KALRN: variants seen among roughly 807,000 people sequenced by gnomAD.
The protein encoded by KALRN is kalirin.
Under a neutral mutation model 353.7 loss-of-function variants are expected in KALRN, and 70 were observed. That is an observed-to-expected ratio of 0.20 (90% CI 0.16 to 0.24). The LOEUF is 0.24. KALRN is among the 10% of genes least tolerant of loss of function. KALRN has a pLI of 1.00. For missense variants in KALRN, 2,791 were observed against 3,756.7 expected, an observed-to-expected ratio of 0.74 and a Z score of 6.72; for synonymous variants, 1,391 against 1,434.8, an observed-to-expected ratio of 0.97 and a Z score of 0.69.
At chr3:124,582,915 A>G (rs909717488) in intron 34 of KALRN, among the ~76,000 whole-genome samples, 1 of 152,106 alleles carries the variant, frequency 6.6e-6, no homozygotes, top group Admixed American at 6.6e-5. Context: ...GACCACAGGT[A>G]TGGTCCACCA....
intron 1 of KALRN, chr3:124,094,814 T>C: frequency 6.2e-7 from 1 of 1,610,248 alleles, no homozygotes; most frequent in Non-Finnish European, 8.5e-7. Context: ...GGGGACTGGC[T>C]GTGAAGGATG....
intron 1 of KALRN, among the ~76,000 whole-genome samples, chr3:124,148,585 T>C (rs1420985042): frequency 6.6e-6 from 1 of 152,196 alleles, no homozygotes; most frequent in African/African-American, 2.4e-5. Context: ...GAGAATATTG[T>C]GGGTGCTAGA....
intron 1 of KALRN, among the ~76,000 whole-genome samples, chr3:124,040,621 G>T (rs1384054942): frequency 6.6e-6 from 1 of 152,226 alleles, no homozygotes; most frequent in African/African-American, 2.4e-5. Flanking sequence ...GGATGGAATA[G>T]GTTCAGCACT....
At position 124,572,420 on chromosome 3, in the gene KALRN, G is replaced by GT. The variant is rs369682323; in HGVS notation, c.5182+9339dup. Among the ~76,000 whole-genome samples the GT allele has an allele frequency of 4.9e-4, 74 of 151,824 alleles. 1 individual carries two copies. The highest frequency in any genetic ancestry group is 4.2e-4 in the South Asian group (2 of 4,806). ...CCAACCTAATGTATTGTAATCTACT[G>GT]TTTTTTTTCCTTAAAAGGGTACTGG... is the stretch of plus-strand genomic sequence containing the variant. On this transcript the variant is annotated intron_variant, in intron 34 of 59. Transcript: ENST00000682506.
chr3:124,595,165 T>C (rs1400452307), intron 34 of KALRN, among the ~76,000 whole-genome samples: 1 of 150,848 alleles, frequency 6.6e-6, no homozygotes, highest in Non-Finnish European at 1.5e-5. Context: ...ACATACATTC[T>C]TTTGGTCTTT....
At chr3:124,543,740 A>G (rs2069321412) in intron 33 of KALRN, among the ~76,000 whole-genome samples, 1 of 152,030 alleles carries the variant, frequency 6.6e-6, no homozygotes, top group South Asian at 2.1e-4. Context: ...TAATTAGTAG[A>G]AGAGAAATTA....
chr3:124,382,928 G>C (rs991804638), intron 10 of KALRN, among the ~76,000 whole-genome samples: 1 of 152,228 alleles, frequency 6.6e-6, no homozygotes. Context: ...TCCTTCATCT[G>C]CTTTCCAGAA....
intron 38 of KALRN, among the ~76,000 whole-genome samples, chr3:124,651,326 C>A (rs2083395645): frequency 6.6e-6 from 1 of 152,208 alleles, no homozygotes; most frequent in South Asian, 2.1e-4. Context: ...GAAAACATTT[C>A]CCCAAATGTA....
intron 33 of KALRN, among the ~76,000 whole-genome samples, chr3:124,527,319 A>G (rs950590976): frequency 1.4e-4 from 22 of 152,274 alleles, no homozygotes; most frequent in Admixed American, 1.4e-3. Flanking sequence ...CACAAAAAGC[A>G]TGAAGATTGG....
chr3:124,330,246 TCACACACACA>T (rs774251256), intron 8 of KALRN, among the ~76,000 whole-genome samples: 6,189 of 134,376 alleles, frequency 0.046, 423 homozygotes, highest in African/African-American at 0.16. Context: ...TCTCTCTCTC[TCACACACACA>T]CACACACACA....
intron 5 of KALRN, among the ~76,000 whole-genome samples, chr3:124,286,367 C>G (rs1474094819): frequency 6.6e-6 from 1 of 151,654 alleles, no homozygotes; most frequent in African/African-American, 2.4e-5. Context: ...ACCTCAGCCT[C>G]CCGAGTAGCT....
intron 34 of KALRN, among the ~76,000 whole-genome samples, chr3:124,587,046 T>C (rs1238152030): frequency 1.3e-5 from 2 of 152,322 alleles, no homozygotes; most frequent in Non-Finnish European, 2.9e-5. Context: ...GTCCGTGGAC[T>C]CTTTGGGAAG....
chr3:124,224,710 T>A (rs2078291143), intron 1 of KALRN, among the ~76,000 whole-genome samples: 1 of 152,218 alleles, frequency 6.6e-6, no homozygotes, highest in African/African-American at 2.4e-5. Context: ...AGGAAGCCAG[T>A]GAAATGTTTT....
At chr3:124,429,912 T>A (rs1256852181) in intron 15 of KALRN, among the ~76,000 whole-genome samples, 1 of 152,244 alleles carries the variant, frequency 6.6e-6, no homozygotes, top group Non-Finnish European at 1.5e-5. Context: ...GTTTACCTAC[T>A]GAAGTTCAAA....
At chr3:124,121,276 G>C (rs1033509464) in intron 1 of KALRN, among the ~76,000 whole-genome samples, 2 of 152,062 alleles carry the variant, frequency 1.3e-5, no homozygotes, top group African/African-American at 2.4e-5. Flanking sequence ...GGTTTTGATT[G>C]TTTATATTTT....
rs374030680 is a variant in KALRN, at chr3:124,632,395, G to A, written c.5183-25G>A. On this transcript the variant is annotated intron_variant, in intron 34 of 59. Coordinates refer to ENST00000682506, the MANE Select transcript of KALRN (RefSeq NM_001388419.1). The stretch of plus-strand genomic sequence containing the variant: ...GGCCTGCCTTCACCACCTCTGACAT[G>A]GCTGTGTCTGTCCGTTTTCCTCAGA... The A allele has an allele frequency of 1.9e-6, 3 of 1,610,896 alleles. No homozygotes were observed. The African/African-American group carries it at 4.0e-5, about 22-fold the overall frequency.
At chr3:124,072,370 C>A (rs1256368360) in intron 1 of KALRN, among the ~76,000 whole-genome samples, 2 of 152,320 alleles carry the variant, frequency 1.3e-5, no homozygotes, top group East Asian at 3.9e-4. Context: ...GTGGTCTCTT[C>A]CTGTTAATAA....
intron 34 of KALRN, among the ~76,000 whole-genome samples, chr3:124,627,228 C>G (rs915739510): frequency 6.6e-6 from 1 of 152,200 alleles, no homozygotes; most frequent in Non-Finnish European, 1.5e-5. Context: ...TATCCCAAGT[C>G]AGGACACCCA....
At chr3:124,094,134 A>T (rs1178961216) in intron 1 of KALRN, 1 of 152,814 alleles carries the variant, frequency 6.5e-6, no homozygotes, top group East Asian at 1.9e-4. Flanking sequence ...GAGCTGAAAA[A>T]CTTGATCCAG....
Sources: allele counts gnomAD v4.1 joint callset (sites outside exome capture counted in the v4.1 genomes callset), GRCh38; gene constraint gnomAD v4.1.1; transcripts MANE v1.5; gene names NCBI Gene and HGNC (gene_info 2026-07-23, HGNC 2026-07-21).